Variants in DNAJC3 observed in about 807,000 individuals in gnomAD.
DNAJC3 encodes the protein DnaJ heat shock protein family (Hsp40) member C3.
Under a neutral mutation model 68.6 loss-of-function variants are expected in DNAJC3, and 38 were observed. The observed-to-expected ratio is 0.55, with a 90% CI of 0.43 to 0.73. The LOEUF is 0.73. DNAJC3 is among the 30% of genes least tolerant of loss of function. The probability of loss-of-function intolerance (pLI) is 0.00; values close to 1 mark genes in which losing one functional copy is unlikely to be tolerated. For missense variants in DNAJC3, 526 were observed against 591.9 expected, an observed-to-expected ratio of 0.89 and a Z score of 1.16; for synonymous variants, 203 against 204.0, an observed-to-expected ratio of 1.00 and a Z score of 0.04.
At position 95,794,394 on chromosome 13, in the gene DNAJC3, A is replaced by G. The variant is rs1883898014; in HGVS notation, c.*3364A>G. On this transcript the variant is annotated 3_prime_UTR_variant, in exon 12 of 12. Transcript: ENST00000602402. ...ACACGGCCCTGGTGATGGGCGTTGC[A>G]AAGTTTTCACTGAGCACACAGCAAT... The G allele has an allele frequency of 6.6e-6, 1 of 152,242 alleles. No individual in the cohort carries two copies. The highest frequency in any genetic ancestry group is 2.4e-5 in the African/African-American group (1 of 41,462). 9.4% of individuals were successfully genotyped at this position (152,242 alleles called of 1,614,324 possible). A position where few individuals can be genotyped will look rare whatever the true frequency, so the allele number is the denominator to read the frequency against.
chr13:95,703,689 A>C (rs1330455262), intron 1 of DNAJC3, among the ~76,000 whole-genome samples: 1 of 152,236 alleles, frequency 6.6e-6, no homozygotes, highest in Non-Finnish European at 1.5e-5. Context: ...CATGTATATA[A>C]TCAAAGAGAA....
At chr13:95,749,942 C>T (rs938215274) in intron 4 of DNAJC3, among the ~76,000 whole-genome samples, 5 of 152,018 alleles carry the variant, frequency 3.3e-5, no homozygotes, top group South Asian at 2.1e-4. Flanking sequence ...CCCAGCTACT[C>T]GGGAGGCTGA....
At chr13:95,714,085 C>T (rs1025568828) in intron 2 of DNAJC3, among the ~76,000 whole-genome samples, 2 of 152,094 alleles carry the variant, frequency 1.3e-5, no homozygotes, top group Non-Finnish European at 2.9e-5. Flanking sequence ...TGTGGATTAC[C>T]TTGAAAAGGG....
intron 2 of DNAJC3, among the ~76,000 whole-genome samples, chr13:95,709,887 C>G (rs1880900593): frequency 6.6e-6 from 1 of 152,194 alleles, no homozygotes; most frequent in Admixed American, 6.5e-5. Context: ...GATCCGCCCG[C>G]CTCGGCCTCC....
intron 1 of DNAJC3, among the ~76,000 whole-genome samples, chr13:95,680,484 A>G (rs1162458333): frequency 6.6e-6 from 1 of 152,244 alleles, no homozygotes; most frequent in Non-Finnish European, 1.5e-5. Flanking sequence ...TAGGGAAAGA[A>G]TAAAGTAGCA....
At chr13:95,738,871 G>A (rs1336101523) in intron 4 of DNAJC3, among the ~76,000 whole-genome samples, 2 of 151,324 alleles carry the variant, frequency 1.3e-5, no homozygotes, top group East Asian at 1.9e-4. Context: ...TCATTTTGAT[G>A]TTAGCTGGTT....
chr13:95,677,393 C>T (rs1046663958), intron 1 of DNAJC3, 56 bp downstream of exon 1: 20 of 1,510,978 alleles, frequency 1.3e-5, no homozygotes, highest in East Asian at 2.7e-5. Flanking sequence ...GCCCCCCGCG[C>T]TTTCCCGTCT....
At chr13:95,677,410 G>T in intron 1 of DNAJC3, 73 bp downstream of exon 1, 1 of 1,468,240 alleles carries the variant, frequency 6.8e-7, no homozygotes, top group Non-Finnish European at 9.2e-7. Flanking sequence ...GTCTGCGCCC[G>T]GGCGCCTGTC....
Position 95,766,049 on chromosome 13 carries a change from A to G in DNAJC3, c.1075+2096A>G, listed in dbSNP as rs141255204. Among the ~76,000 whole-genome samples the G allele has an allele frequency of 2.8e-4, 43 of 152,332 alleles. No homozygotes were observed. The East Asian group carries it at 6.9e-3, about 25-fold the overall frequency. ...TTTGGACTGGAATCAGAGGTTTAGT[A>G]TAAATGATGTAAATAAATAATAATC... On this transcript the variant is annotated intron_variant, in intron 9 of 11. Coordinates refer to ENST00000602402, the MANE Select transcript of DNAJC3 (RefSeq NM_006260.5).
In DNAJC3 at chr13:95,723,232, T is replaced by C. The variant is rs1881395454; in HGVS notation, c.194-10T>C. ...AAATGACTAAGAGGTAATATTATTTTAATTTTCAGATGGTGACCCTGATAA... is the reference window on the plus strand; with the variant it reads ...AAATGACTAAGAGGTAATATTATTTCAATTTTCAGATGGTGACCCTGATAA... On this transcript the variant is annotated splice_polypyrimidine_tract_variant and intron_variant, in intron 2 of 11. Coordinates refer to ENST00000602402, the MANE Select transcript of DNAJC3 (RefSeq NM_006260.5). The C allele has an allele frequency of 6.4e-7, 1 of 1,574,442 alleles. No homozygotes were observed. The highest frequency in any genetic ancestry group is 8.6e-7 in the Non-Finnish European group (1 of 1,160,226).
intron 4 of DNAJC3, among the ~76,000 whole-genome samples, chr13:95,748,599 T>C (rs1882380962): frequency 6.6e-6 from 1 of 152,196 alleles, no homozygotes; most frequent in South Asian, 2.1e-4. Context: ...GCAGATCACC[T>C]GAGCTCAGGA....
intron 1 of DNAJC3, among the ~76,000 whole-genome samples, chr13:95,702,442 C>T (rs1219234744): frequency 2.0e-5 from 3 of 152,194 alleles, no homozygotes; most frequent in African/African-American, 4.8e-5. Flanking sequence ...TTGCTATGGT[C>T]TGAATATTTG....
At chr13:95,755,718 C>G (rs1263467449) in intron 4 of DNAJC3, among the ~76,000 whole-genome samples, 3 of 131,448 alleles carry the variant, frequency 2.3e-5, no homozygotes, top group Admixed American at 1.7e-4. Flanking sequence ...GATTGCACCA[C>G]TGCACTCCAG....
At chr13:95,737,928 T>G (rs1881984930) in intron 4 of DNAJC3, among the ~76,000 whole-genome samples, 2 of 100,140 alleles carry the variant, frequency 2.0e-5, no homozygotes, top group African/African-American at 8.4e-5. Flanking sequence ...GTGTCAATTT[T>G]GGATCTTTCC....
At chr13:95,781,493 A>G in intron 9 of DNAJC3, among the ~76,000 whole-genome samples, 1 of 151,978 alleles carries the variant, frequency 6.6e-6, no homozygotes, top group Non-Finnish European at 1.5e-5. Flanking sequence ...AAATTTATCA[A>G]AGTTGCTGGT....
intron 4 of DNAJC3, among the ~76,000 whole-genome samples, chr13:95,726,124 G>A (rs1297192058): frequency 1.2e-4 from 18 of 151,686 alleles, no homozygotes; most frequent in South Asian, 4.2e-4. Flanking sequence ...GAATAGTGCC[G>A]CAATAAACAT....
chr13:95,744,141 A>G (rs2139661364), intron 4 of DNAJC3, among the ~76,000 whole-genome samples: 1 of 152,318 alleles, frequency 6.6e-6, no homozygotes, highest in East Asian at 1.9e-4. Flanking sequence ...AGTATTTTTC[A>G]TCAGCAATTT....
intron 4 of DNAJC3, among the ~76,000 whole-genome samples, chr13:95,748,674 G>C (rs1882383312): frequency 6.6e-6 from 1 of 152,108 alleles, no homozygotes; most frequent in Non-Finnish European, 1.5e-5. Context: ...AAATTAGCTG[G>C]GCATGTTGGC....
At chr13:95,704,609 A>G (rs1880669313) in intron 1 of DNAJC3, among the ~76,000 whole-genome samples, 1 of 152,158 alleles carries the variant, frequency 6.6e-6, no homozygotes, top group Non-Finnish European at 1.5e-5. Flanking sequence ...GAGTCTATGA[A>G]TGGTGGAGTT....
Sources: gnomAD v4.1 joint callset for allele counts (sites outside exome capture counted in the v4.1 genomes callset) on GRCh38, gnomAD v4.1.1 for gene constraint, MANE v1.5 for transcripts, NCBI Gene and HGNC (gene_info 2026-07-23, HGNC 2026-07-21) for gene names.